Variants in GRM7 observed in about 807,000 individuals in gnomAD.
GRM7 encodes metabotropic glutamate receptor 7.
GRM7 carries 35 observed loss-of-function variants against 84.5 expected under a neutral mutation model. The observed-to-expected ratio is 0.41, with a 90% CI of 0.32 to 0.55. The LOEUF (loss-of-function observed/expected upper bound fraction) is 0.55. Among genes scored for constraint, GRM7 ranks in the 20% least tolerant of loss-of-function variants. The probability of loss-of-function intolerance (pLI) is 0.19; values close to 1 mark genes in which losing one functional copy is unlikely to be tolerated. For synonymous variants in GRM7, 487 were observed against 455.1 expected (o/e 1.07, Z -0.89); for missense variants, 1,003 against 1,194.6 (o/e 0.84, Z 2.36).
intron 1 of GRM7, among the ~76,000 whole-genome samples, chr3:7,030,199 A>C (rs1461864949): frequency 1.3e-5 from 2 of 152,208 alleles, no homozygotes; most frequent in East Asian, 3.9e-4. Context: ...AAAAAGGAGT[A>C]CACTCTATCA....
intron 4 of GRM7, among the ~76,000 whole-genome samples, chr3:7,399,179 C>CAAT (rs146619960): frequency 0.032 from 4,717 of 146,224 alleles, 156 homozygotes; most frequent in African/African-American, 0.08. Context: ...ACAACAAGAA[C>CAAT]AATAATAATA....
intron 1 of GRM7, among the ~76,000 whole-genome samples, chr3:6,963,582 TG>T (rs68111053): frequency 0.16 from 24,979 of 152,092 alleles, 2,185 homozygotes; most frequent in Admixed American, 0.25. Flanking sequence ...CCCTCCAGCC[TG>T]GGTGACAGAG....
chr3:7,039,451 C>T (rs1006281632), intron 1 of GRM7, among the ~76,000 whole-genome samples: 1 of 152,140 alleles, frequency 6.6e-6, no homozygotes, highest in South Asian at 2.1e-4. Flanking sequence ...AAAAAGTAAC[C>T]TTCCTTATCC....
At chr3:7,710,957 G>C (rs1701558006) in intron 9 of GRM7, among the ~76,000 whole-genome samples, 1 of 152,128 alleles carries the variant, frequency 6.6e-6, no homozygotes, top group Admixed American at 6.5e-5. Flanking sequence ...GCATGTCTCT[G>C]ATCTTAACTG....
chr3:6,956,439 A>G, intron 1 of GRM7: 2 of 409,880 alleles, frequency 4.9e-6, no homozygotes, highest in Non-Finnish European at 4.8e-6. Context: ...CTTTCTCTCT[A>G]AGACTTTGGG....
chr3:7,183,114 C>G (rs1330856369), intron 2 of GRM7, among the ~76,000 whole-genome samples: 1 of 151,958 alleles, frequency 6.6e-6, no homozygotes, highest in East Asian at 1.9e-4. Context: ...CATTGTGGTT[C>G]TCTATTTCCA....
At chr3:7,477,989 A>G (rs1698990018) in intron 7 of GRM7, among the ~76,000 whole-genome samples, 4 of 152,126 alleles carry the variant, frequency 2.6e-5, no homozygotes, top group Non-Finnish European at 4.4e-5. Flanking sequence ...AGCAAGTTCA[A>G]TAAGATAACT....
intron 4 of GRM7, among the ~76,000 whole-genome samples, chr3:7,312,176 T>A (rs1020604782): frequency 3.3e-5 from 5 of 152,146 alleles, no homozygotes; most frequent in Non-Finnish European, 4.4e-5. Context: ...TTGGAACTTT[T>A]TAACAGCGGG....
At chr3:7,443,170 T>C (rs1260015725) in intron 5 of GRM7, among the ~76,000 whole-genome samples, 2 of 152,132 alleles carry the variant, frequency 1.3e-5, no homozygotes, top group Non-Finnish European at 2.9e-5. Context: ...TGAATCACCA[T>C]GTATCCATCA....
chr3:7,484,982 C>T (rs965545245), intron 7 of GRM7, among the ~76,000 whole-genome samples: 7 of 152,272 alleles, frequency 4.6e-5, no homozygotes, highest in African/African-American at 1.4e-4. Flanking sequence ...GTGACTTGCC[C>T]TATGGAGAGA....
intron 3 of GRM7, among the ~76,000 whole-genome samples, chr3:7,299,520 G>A (rs558906754): frequency 1.3e-5 from 2 of 152,148 alleles, no homozygotes; most frequent in Admixed American, 1.3e-4. Context: ...AAAATTTAAA[G>A]TAAACATACA....
chr3:7,644,321 TG>T (rs1698523679), intron 8 of GRM7, among the ~76,000 whole-genome samples: 1 of 152,036 alleles, frequency 6.6e-6, no homozygotes, highest in South Asian at 2.1e-4. Context: ...CAAAAAAGAA[TG>T]GAGAGGAAGT....
intron 2 of GRM7, among the ~76,000 whole-genome samples, chr3:7,274,779 A>G (rs972441425): frequency 2.6e-5 from 4 of 151,134 alleles, no homozygotes; most frequent in African/African-American, 7.3e-5. Context: ...TTGTATTGTC[A>G]TTTTTTCTGG....
At chr3:7,644,965 C>T (rs1559460336) in intron 8 of GRM7, among the ~76,000 whole-genome samples, 1 of 152,072 alleles carries the variant, frequency 6.6e-6, no homozygotes, top group Non-Finnish European at 1.5e-5. Flanking sequence ...CACAGACTGC[C>T]CTTGAAGCTT....
intron 2 of GRM7, among the ~76,000 whole-genome samples, chr3:7,176,518 G>T (rs1271129151): frequency 2.0e-5 from 3 of 152,010 alleles, no homozygotes; most frequent in African/African-American, 7.2e-5. Context: ...GAAAATATAC[G>T]CAATTGACCT....
rs116291101 is a variant in GRM7 at position 7,401,608 on chromosome 3, A to T, written c.1034-13415A>T. 2.8e-3 allele frequency among the ~76,000 whole-genome samples: 425 copies of T among 152,258 alleles called. 5 individuals are homozygous for T. Among genetic ancestry groups the T allele is most frequent in the African/African-American group, 9.8e-3 (407 of 41,566 alleles). On this transcript the variant is annotated intron_variant, in intron 4 of 9. Coordinates refer to ENST00000357716, the MANE Select transcript of GRM7 (RefSeq NM_000844.4). ...CTAGAAAAAACTTTGAAAAAAAAAT[A>T]AAGCATTAGTCATCATTTTAAACAT...
intron 1 of GRM7, among the ~76,000 whole-genome samples, chr3:6,931,798 C>T (rs1697509348): frequency 6.6e-6 from 1 of 152,260 alleles, no homozygotes; most frequent in Non-Finnish European, 1.5e-5. Flanking sequence ...TTCCCTCATA[C>T]TCAGCACAGA....
intron 2 of GRM7, among the ~76,000 whole-genome samples, chr3:7,235,124 C>T (rs1482037506): frequency 6.6e-6 from 1 of 152,174 alleles, no homozygotes; most frequent in Admixed American, 6.6e-5. Context: ...TTAGAGCTTT[C>T]CACATTAAAC....
intron 1 of GRM7, among the ~76,000 whole-genome samples, chr3:7,099,141 G>T (rs1281419718): frequency 6.6e-6 from 1 of 151,074 alleles, no homozygotes; most frequent in African/African-American, 2.4e-5. Flanking sequence ...CACAAGAAAT[G>T]AAGGAAAACA....
Sources: gnomAD v4.1 joint callset for allele counts (sites outside exome capture counted in the v4.1 genomes callset) on GRCh38, gnomAD v4.1.1 for gene constraint, MANE v1.5 for transcripts, NCBI Gene and HGNC (gene_info 2026-07-23, HGNC 2026-07-21) for gene names.